The following LSAMP variants were observed in gnomAD, a reference collection of about 807,000 sequenced individuals.
LSAMP encodes the protein limbic system-associated membrane protein.
LSAMP carries 7 observed loss-of-function variants against 38.6 expected under a neutral mutation model. That is an observed-to-expected ratio of 0.18 (90% CI 0.10 to 0.34). The LOEUF is 0.34. Ranked by LOEUF, LSAMP falls within the 10% of genes least tolerant of loss-of-function variation. LSAMP has a pLI of 1.00. For missense variants in LSAMP, 313 were observed against 420.0 expected, an observed-to-expected ratio of 0.75 and a Z score of 2.23; for synonymous variants, 154 against 166.8, an observed-to-expected ratio of 0.92 and a Z score of 0.59.
At chr3:115,861,183 TTCC>T (rs760338185) in intron 3 of LSAMP, among the ~76,000 whole-genome samples, 21 of 110,992 alleles carry the variant, frequency 1.9e-4, no homozygotes, top group East Asian at 3.1e-4. Flanking sequence ...CCTTCCTTCC[TTCC>T]TTCCTTCCTT....
intron 1 of LSAMP, among the ~76,000 whole-genome samples, chr3:116,278,303 C>T (rs1297001701): frequency 6.6e-6 from 1 of 152,114 alleles, no homozygotes; most frequent in Non-Finnish European, 1.5e-5. Context: ...AATAATTCGG[C>T]TCCTAGATTA....
intron 1 of LSAMP, among the ~76,000 whole-genome samples, chr3:116,208,354 C>CCGTA (rs1482081293): frequency 1.3e-5 from 2 of 151,654 alleles, no homozygotes; most frequent in Non-Finnish European, 2.9e-5. Context: ...GAATGTCCTC[C>CCGTA]CGTAGCTCAG....
intron 1 of LSAMP, among the ~76,000 whole-genome samples, chr3:116,188,406 A>G: frequency 6.6e-6 from 1 of 152,144 alleles, no homozygotes; most frequent in East Asian, 1.9e-4. Context: ...ATGTTTCCTG[A>G]CAGAAGCCCC....
chr3:115,965,767 A>C (rs1938788033), intron 3 of LSAMP, among the ~76,000 whole-genome samples: 1 of 152,050 alleles, frequency 6.6e-6, no homozygotes, highest in Non-Finnish European at 1.5e-5. Flanking sequence ...AAAAGATGAA[A>C]CTTTATTATT....
At chr3:116,137,207 T>A (rs1262031400) in intron 1 of LSAMP, among the ~76,000 whole-genome samples, 6 of 152,016 alleles carry the variant, frequency 3.9e-5, no homozygotes, top group Non-Finnish European at 5.9e-5. Context: ...TGGGTCTGGA[T>A]TAGGCCCACC....
intron 1 of LSAMP, among the ~76,000 whole-genome samples, chr3:116,391,186 T>C (rs1301390632): frequency 6.6e-6 from 1 of 152,132 alleles, no homozygotes; most frequent in Non-Finnish European, 1.5e-5. Context: ...ACTTTGATAG[T>C]ACTGATGTCA....
At chr3:115,845,709 A>C (rs1935137609) in intron 4 of LSAMP, among the ~76,000 whole-genome samples, 1 of 152,106 alleles carries the variant, frequency 6.6e-6, no homozygotes, top group Non-Finnish European at 1.5e-5. Flanking sequence ...ATCTCTAGCC[A>C]CCTTGATCTC....
intron 1 of LSAMP, among the ~76,000 whole-genome samples, chr3:116,375,250 G>A (rs959434453): frequency 2.6e-5 from 4 of 151,990 alleles, no homozygotes; most frequent in East Asian, 1.9e-4. Flanking sequence ...AGGGTTTCAC[G>A]CTGAACATTT....
intron 3 of LSAMP, among the ~76,000 whole-genome samples, chr3:115,898,614 T>C (rs1936789768): frequency 6.6e-6 from 1 of 150,566 alleles, no homozygotes; most frequent in Non-Finnish European, 1.5e-5. Flanking sequence ...TATATATATA[T>C]ATATATATAT....
intron 1 of LSAMP, among the ~76,000 whole-genome samples, chr3:116,346,845 C>T (rs1289214934): frequency 3.9e-5 from 6 of 152,168 alleles, no homozygotes; most frequent in Non-Finnish European, 8.8e-5. Context: ...GGTCTTCTAA[C>T]ATATCAAGAG....
intron 3 of LSAMP, among the ~76,000 whole-genome samples, chr3:115,931,318 C>T (rs924539757): frequency 2.0e-5 from 3 of 152,218 alleles, no homozygotes; most frequent in Admixed American, 6.5e-5. Flanking sequence ...GGATCCCTCA[C>T]TAACGCTTCA....
rs2049497027 is a variant in LSAMP at position 116,445,340 on chromosome 3, G to C, written c.-309C>G. On this transcript the variant is annotated 5_prime_UTR_variant, in exon 1 of 7. Transcript: ENST00000490035. Reference sequence around the variant, plus strand: ...GAGGAAGCCAAAGGAAAGGGTTCTTGTTTGGTCTCTCTGTGACTGGATGCT... The same window carrying C: ...GAGGAAGCCAAAGGAAAGGGTTCTTCTTTGGTCTCTCTGTGACTGGATGCT... 4 of 552,172 alleles carry C rather than the reference G, an allele frequency of 7.2e-6. No homozygotes were observed. The highest frequency in any genetic ancestry group is 1.3e-5 in the Non-Finnish European group (4 of 314,726). 34.2% of individuals were successfully genotyped at this position (552,172 alleles called of 1,614,324 possible).
chr3:116,400,819 A>AT (rs1330360184), intron 1 of LSAMP, among the ~76,000 whole-genome samples: 3 of 151,906 alleles, frequency 2.0e-5, no homozygotes, highest in African/African-American at 7.3e-5. Flanking sequence ...TGCTGAGTGC[A>AT]TTTTTTTCCA....
intron 2 of LSAMP, among the ~76,000 whole-genome samples, chr3:116,076,239 C>G (rs1014129767): frequency 5.3e-5 from 8 of 151,798 alleles, no homozygotes; most frequent in African/African-American, 1.9e-4. Context: ...AGAAGTCTTT[C>G]TTCCCAATAA....
At chr3:115,831,607 T>C (rs930924178) in intron 6 of LSAMP, among the ~76,000 whole-genome samples, 6 of 152,134 alleles carry the variant, frequency 3.9e-5, no homozygotes, top group African/African-American at 1.4e-4. Flanking sequence ...CAGGAAACAA[T>C]GTCAACCTCA....
At chr3:116,318,954 A>G (rs2047670402) in intron 1 of LSAMP, among the ~76,000 whole-genome samples, 1 of 151,424 alleles carries the variant, frequency 6.6e-6, no homozygotes. Context: ...AAAGAAGTGA[A>G]AGGCCCACTT....
At chr3:115,887,969 G>A (rs1168618383) in intron 3 of LSAMP, among the ~76,000 whole-genome samples, 1 of 151,898 alleles carries the variant, frequency 6.6e-6, no homozygotes, top group Non-Finnish European at 1.5e-5. Context: ...AGTAAAGGAG[G>A]TCAGATCCCC....
At chr3:116,252,567 T>C (rs541258330) in intron 1 of LSAMP, among the ~76,000 whole-genome samples, 1 of 152,136 alleles carries the variant, frequency 6.6e-6, no homozygotes, top group Non-Finnish European at 1.5e-5. Flanking sequence ...TGATGATGGG[T>C]GGTTCATTTG....
At chr3:116,224,678 A>G (rs2046323655) in intron 1 of LSAMP, among the ~76,000 whole-genome samples, 1 of 152,232 alleles carries the variant, frequency 6.6e-6, no homozygotes. Context: ...GACACCTGAG[A>G]GAAAGGCTTG....
Sources: allele counts gnomAD v4.1 joint callset (sites outside exome capture counted in the v4.1 genomes callset), GRCh38; gene constraint gnomAD v4.1.1; transcripts MANE v1.5; gene names NCBI Gene and HGNC (gene_info 2026-07-23, HGNC 2026-07-21).